The following TNPO3 variants were observed in gnomAD, a reference collection of about 807,000 sequenced individuals.
TNPO3 encodes transportin 3, also known as transportin-3.
In TNPO3, 65 loss-of-function variants were observed where a neutral mutation model predicts 122.8. That is an observed-to-expected ratio of 0.53 (90% CI 0.43 to 0.65). The LOEUF is 0.65. TNPO3 is among the 30% of genes least tolerant of loss of function. The pLI is 0.00. For synonymous variants in TNPO3, 372 were observed against 411.2 expected (o/e 0.90, Z 1.15); for missense variants, 850 against 1,136.7 (o/e 0.75, Z 3.63).
intron 1 of TNPO3, among the ~76,000 whole-genome samples, chr7:129,053,662 CA>C (rs569463194): frequency 5.3e-5 from 8 of 150,564 alleles, no homozygotes; most frequent in Admixed American, 2.0e-4. Flanking sequence ...GGAAGGGGGC[CA>C]AAAAAAATAT....
intron 13 of TNPO3, among the ~76,000 whole-genome samples, chr7:128,983,878 G>A (rs556290258): frequency 6.6e-6 from 1 of 152,132 alleles, no homozygotes; most frequent in African/African-American, 2.4e-5. Context: ...AGAACTCCTC[G>A]AGACTGGGTT....
At chr7:129,004,968 C>T (rs369721542) in intron 5 of TNPO3, 48 bp downstream of exon 5, 54 of 1,576,798 alleles carry the variant, frequency 3.4e-5, no homozygotes, top group Non-Finnish European at 4.1e-5. Context: ...AGGTTAGTTA[C>T]GAAAAGTGAT....
At chr7:129,006,503 T>C (rs899356521) in intron 4 of TNPO3, among the ~76,000 whole-genome samples, 2 of 152,204 alleles carry the variant, frequency 1.3e-5, no homozygotes, top group Non-Finnish European at 2.9e-5. Flanking sequence ...TTGTAGTCTG[T>C]TTTTGTGATA....
chr7:129,033,393 C>T (rs574423357), intron 1 of TNPO3, among the ~76,000 whole-genome samples: 10 of 152,222 alleles, frequency 6.6e-5, no homozygotes, highest in African/African-American at 2.2e-4. Context: ...AATATTACCT[C>T]ACACCCAATA....
intron 1 of TNPO3, among the ~76,000 whole-genome samples, chr7:129,038,363 T>C (rs1248664095): frequency 6.6e-6 from 1 of 152,010 alleles, no homozygotes; most frequent in Non-Finnish European, 1.5e-5. Context: ...GAAAAAGAAA[T>C]GCTTACACAC....
intron 11 of TNPO3, among the ~76,000 whole-genome samples, chr7:128,988,522 T>C (rs568791117): frequency 2.5e-4 from 38 of 152,312 alleles, no homozygotes; most frequent in African/African-American, 7.7e-4. Flanking sequence ...ATTCTGAGTA[T>C]GAACATAGAG....
chr7:129,054,229 GAGCAA>G (rs901360694), intron 1 of TNPO3, among the ~76,000 whole-genome samples: 9 of 152,288 alleles, frequency 5.9e-5, no homozygotes, highest in Non-Finnish European at 1.2e-4. Flanking sequence ...CTACGACTGG[GAGCAA>G]AATGCCAGAT....
chr7:128,981,471 T>C (rs1023491122), intron 14 of TNPO3, among the ~76,000 whole-genome samples: 2 of 152,202 alleles, frequency 1.3e-5, no homozygotes, highest in South Asian at 2.1e-4. Context: ...CCATACACTA[T>C]ATACAGCGAT....
chr7:128,971,121 A>AC (rs1220874775), intron 19 of TNPO3: 2 of 151,424 alleles, frequency 1.3e-5, no homozygotes, highest in Non-Finnish European at 3.0e-5. Context: ...GAAAAAAAAA[A>AC]AACCCTTTTT....
At chr7:129,030,244 C>G (rs1805770862) in intron 1 of TNPO3, 1 of 219,830 alleles carries the variant, frequency 4.5e-6, no homozygotes, top group Non-Finnish European at 9.6e-6. Flanking sequence ...TGGCCTTGAT[C>G]AGATTGTTGA....
At position 129,008,352 on chromosome 7, in the gene TNPO3, T is replaced by C. The variant is rs144101191; in HGVS notation, c.553-3193A>G. 2.0e-5 allele frequency among the ~76,000 whole-genome samples: 3 copies of C among 151,854 alleles called. No individual in the cohort carries two copies. In the East Asian group the frequency reaches 5.8e-4, roughly 29 times the overall value. On this transcript the variant is annotated intron_variant, in intron 4 of 22. Transcript: ENST00000265388. ...AGCAACAAAGTTAAGACCCTGTCTC[T>C]ACAAAAAAATTAAAAAATAAAACAA...
chr7:129,010,051 C>T (rs1803013691), intron 4 of TNPO3, among the ~76,000 whole-genome samples: 1 of 152,070 alleles, frequency 6.6e-6, no homozygotes, highest in South Asian at 2.1e-4. Flanking sequence ...AAAATAAATC[C>T]TCATTTTGAA....
intron 4 of TNPO3, among the ~76,000 whole-genome samples, chr7:129,013,120 C>A (rs1660245157): frequency 6.6e-6 from 1 of 152,138 alleles, no homozygotes; most frequent in Non-Finnish European, 1.5e-5. Context: ...TTTTATCTCT[C>A]ATAATATACA....
intron 1 of TNPO3, chr7:129,029,474 C>T (rs1295754590): frequency 6.5e-6 from 1 of 152,916 alleles, no homozygotes; most frequent in African/African-American, 2.4e-5. Flanking sequence ...AATCCTGAGA[C>T]CTTCATGCAG....
intron 4 of TNPO3, among the ~76,000 whole-genome samples, chr7:129,014,618 A>G (rs764862651): frequency 1.3e-5 from 2 of 152,192 alleles, no homozygotes; most frequent in Non-Finnish European, 2.9e-5. Flanking sequence ...AAGTAGATTT[A>G]TACACACTTC....
At chr7:128,975,794 T>G in intron 17 of TNPO3, 25 bp downstream of exon 17, 1 of 1,482,798 alleles carries the variant, frequency 6.7e-7, no homozygotes, top group Non-Finnish European at 9.4e-7. Context: ...GCCTGATGCG[T>G]CTACACTCCT....
In TNPO3 at chr7:129,007,873, G is replaced by A. The variant is rs1052885257; in HGVS notation, c.553-2714C>T. 7.9e-5 allele frequency among the ~76,000 whole-genome samples: 12 copies of A among 152,324 alleles called. No individual in the cohort carries two copies. The Middle Eastern group carries it at 0.014, about 173-fold the overall frequency. ...TATAGAAGGAAGAATGGCAGGGGCC[G>A]GGTGTGGTGGCTCACGGCTGTAATC... On this transcript the variant is annotated intron_variant, in intron 4 of 22. Coordinates refer to ENST00000265388, the MANE Select transcript of TNPO3 (RefSeq NM_012470.4).
chr7:128,993,833 T>C lies in TNPO3; in HGVS notation c.1240A>G (p.Ile414Val). 1.2e-6 allele frequency: 2 copies of C among 1,614,024 alleles called. No individual in the cohort carries two copies. Among genetic ancestry groups the C allele is most frequent in the Non-Finnish European group, 1.7e-6 (2 of 1,179,990 alleles). The change falls in exon 9 of 23, where the codon ATA becomes GTA. Residue 414 changes from isoleucine to valine, a missense_variant. Transcript: ENST00000265388. The stretch of plus-strand genomic sequence containing the variant: ...TGAGCAAAACACTCCATAGACCCTA[T>C]CAAGAAAATCAAGTCCTTTACCAGG... Reference protein sequence around the residue: ...SDLVKDLIFLIGSMECFAQLY... With the variant: ...SDLVKDLIFLVGSMECFAQLY...
chr7:129,004,305 A>G (rs1220046819), intron 5 of TNPO3, among the ~76,000 whole-genome samples: 1 of 152,244 alleles, frequency 6.6e-6, no homozygotes, highest in Admixed American at 6.5e-5. Flanking sequence ...GAAACCCTCC[A>G]GCAGAAAGAG....
Sources: allele counts gnomAD v4.1 joint callset (sites outside exome capture counted in the v4.1 genomes callset), GRCh38; gene constraint gnomAD v4.1.1; transcripts MANE v1.5; gene names NCBI Gene and HGNC (gene_info 2026-07-23, HGNC 2026-07-21).